Variants in GLT8D2 observed in about 807,000 individuals in gnomAD.
GLT8D2 encodes the protein glycosyltransferase 8 domain-containing protein 2.
GLT8D2 carries 45 observed loss-of-function variants against 44.5 expected under a neutral mutation model. That is an observed-to-expected ratio of 1.01 (90% CI 0.80 to 1.30). The LOEUF (loss-of-function observed/expected upper bound fraction) is 1.30, where lower values mean the gene tolerates loss of function less well. GLT8D2 is among the 50% of genes most tolerant of loss of function. GLT8D2 has a pLI of 0.00. For missense variants in GLT8D2, 400 were observed against 430.4 expected (o/e 0.93, Z 0.62); for synonymous variants, 156 against 157.2 (o/e 0.99, Z 0.06).
chr12:104,045,595 C>T (rs1393995328), intron 1 of GLT8D2, among the ~76,000 whole-genome samples: 1 of 152,056 alleles, frequency 6.6e-6, no homozygotes, highest in Non-Finnish European at 1.5e-5. Context: ...TAAAAATAAG[C>T]CCCTGAAGAC....
intron 1 of GLT8D2, among the ~76,000 whole-genome samples, chr12:104,061,931 G>A (rs1420771348): frequency 4.7e-5 from 7 of 148,250 alleles, no homozygotes; most frequent in South Asian, 2.2e-4. Context: ...AGCCAATATC[G>A]GCGCCATTAC....
At position 104,021,915 on chromosome 12, in the gene GLT8D2, GAAGAAGAAGAAGAAGAA is replaced by G. The variant is rs1566202273; in HGVS notation, c.-163-441_-163-425del. On this transcript the variant is annotated intron_variant, in intron 1 of 10. Coordinates refer to ENST00000360814, the MANE Select transcript of GLT8D2 (RefSeq NM_001384711.1). ...AGAAGAAGAAGAAGAAGAAGAAGAA[GAAGAAGAAGAAGAAGAA>G]GAAGAAGAAGAAGAAGAAGAAGAGG... 3.7e-4 allele frequency among the ~76,000 whole-genome samples: 7 copies of G among 18,910 alleles called. No homozygotes were observed. The East Asian group carries it at 8.1e-3, about 22-fold the overall frequency. The allele number at this position is 18,910 out of a possible 152,430, so 12.4% of individuals were successfully genotyped here. A position where few individuals can be genotyped will look rare whatever the true frequency, so the allele number is the denominator to read the frequency against.
chr12:104,000,716 C>T (rs967622582), intron 5 of GLT8D2, among the ~76,000 whole-genome samples: 1 of 152,112 alleles, frequency 6.6e-6, no homozygotes, highest in Non-Finnish European at 1.5e-5. Flanking sequence ...AGTTTTCATA[C>T]CCATGGATAG....
intron 1 of GLT8D2, among the ~76,000 whole-genome samples, chr12:104,044,265 A>C (rs752732241): frequency 4.6e-5 from 7 of 151,994 alleles, no homozygotes; most frequent in Admixed American, 4.6e-4. Flanking sequence ...TAACCCCAAC[A>C]ATGCACAAAT....
At chr12:104,029,126 C>T (rs533234887) in intron 1 of GLT8D2, among the ~76,000 whole-genome samples, 3 of 152,190 alleles carry the variant, frequency 2.0e-5, no homozygotes, top group South Asian at 4.2e-4. Flanking sequence ...ACCATCTCTA[C>T]TAAAAACACA....
At chr12:104,017,808 G>A (rs566476001) in intron 3 of GLT8D2, among the ~76,000 whole-genome samples, 9 of 152,148 alleles carry the variant, frequency 5.9e-5, no homozygotes, top group African/African-American at 1.9e-4. Context: ...CTGTATGGCC[G>A]AGGGGTATCT....
Position 104,003,199 on chromosome 12 carries a change from T to C in GLT8D2, c.220A>G (p.Ser74Gly). Residue 74 changes from serine to glycine, a missense_variant, in exon 5 of 11, where the codon AGC (serine) becomes GGC (glycine). Ser to Gly is a moderately conservative substitution (Grantham distance 56). Coordinates refer to ENST00000360814, the MANE Select transcript of GLT8D2 (RefSeq NM_001384711.1). ...AACAAGATGTTGGCGTCAGTGTTGCTGTAGATGCTATTGATGGCAGCCATA... is the reference window on the plus strand; with the variant it reads ...AACAAGATGTTGGCGTCAGTGTTGCCGTAGATGCTATTGATGGCAGCCATA... ...ATMAAINSIYSNTDANILFYV... is the reference protein window; with the variant it reads ...ATMAAINSIYGNTDANILFYV... 1.9e-6 allele frequency: 3 copies of C among 1,614,138 alleles called. No homozygotes were observed. Among genetic ancestry groups the C allele is most frequent in the Non-Finnish European group, 2.5e-6 (3 of 1,179,980 alleles).
In GLT8D2 at chr12:103,993,416, G is replaced by T; in HGVS notation, c.856C>A (p.Pro286Thr). 6.2e-7 allele frequency: 1 copy of T among 1,613,558 alleles called. No individual in the cohort carries two copies. Among genetic ancestry groups the T allele is most frequent in the South Asian group, 1.1e-5 (1 of 91,084 alleles). The change falls in exon 10 of 11, where the codon CCC (proline) becomes ACC (threonine). Residue 286 changes from proline to threonine, a missense_variant. Coordinates refer to ENST00000360814, the MANE Select transcript of GLT8D2 (RefSeq NM_001384711.1). ...VFHGKYSTIN[P>T]LWHIRHLGWN... ...CCCAGGTGCCTTATGTGCCACAGGG[G>T]GTTAATTGTGGAATATTTCCCATGA...
At chr12:103,993,769 C>T in intron 9 of GLT8D2, 2 of 337,012 alleles carry the variant, frequency 5.9e-6, no homozygotes, top group Non-Finnish European at 1.1e-5. Flanking sequence ...ATAGTAGACA[C>T]AGGAGATCAA....
At chr12:104,024,179 C>T (rs181463887) in intron 1 of GLT8D2, among the ~76,000 whole-genome samples, 132 of 152,064 alleles carry the variant, frequency 8.7e-4, no homozygotes, top group African/African-American at 3.0e-3. Context: ...CTCAGGAGTT[C>T]GAGACCAGCC....
At chr12:103,995,003 T>C (rs1372475758) in intron 8 of GLT8D2, among the ~76,000 whole-genome samples, 3 of 152,206 alleles carry the variant, frequency 2.0e-5, no homozygotes, top group Non-Finnish European at 4.4e-5. Context: ...CCTCCTTGAC[T>C]CCTTTTTTCT....
chr12:104,030,185 C>T (rs965444542), intron 1 of GLT8D2, among the ~76,000 whole-genome samples: 4 of 151,944 alleles, frequency 2.6e-5, no homozygotes, highest in Admixed American at 2.0e-4. Flanking sequence ...GAATAGAGGG[C>T]CCAGAAATAA....
At chr12:104,024,355 G>T (rs776777575) in intron 1 of GLT8D2, among the ~76,000 whole-genome samples, 1 of 152,158 alleles carries the variant, frequency 6.6e-6, no homozygotes, top group Non-Finnish European at 1.5e-5. Flanking sequence ...GATTGTTTGA[G>T]CCTGGAGGTC....
intron 1 of GLT8D2, among the ~76,000 whole-genome samples, chr12:104,044,718 G>A (rs1880902058): frequency 1.3e-5 from 2 of 152,196 alleles, no homozygotes; most frequent in Admixed American, 6.5e-5. Flanking sequence ...CTGGCCTAAC[G>A]GCCATAGTAA....
At position 104,003,119 on chromosome 12, in the gene GLT8D2, G is replaced by C. The variant is rs775624467; in HGVS notation, c.284+16C>G. The C allele has an allele frequency of 2.5e-6, 4 of 1,608,386 alleles. No individual in the cohort carries two copies. Among genetic ancestry groups the C allele is most frequent in the Non-Finnish European group, 3.4e-6 (4 of 1,175,124 alleles). The stretch of plus-strand genomic sequence containing the variant: ...AAGGAAACAGAAAGTGCCAAAGTCT[G>C]TAAGACATAACTTACCGTATTCGAG... On this transcript the variant is annotated intron_variant, in intron 5 of 10. Transcript: ENST00000360814.
chr12:104,054,050 T>C (rs1394522034), upstream of GLT8D2, among the ~76,000 whole-genome samples: 1 of 152,198 alleles, frequency 6.6e-6, no homozygotes. Context: ...CACTGTGTAA[T>C]GATTACCAAA....
chr12:104,037,917 C>G (rs754530934), intron 1 of GLT8D2, among the ~76,000 whole-genome samples: 10 of 152,160 alleles, frequency 6.6e-5, no homozygotes, highest in African/African-American at 9.7e-5. Flanking sequence ...CAAACTGAAT[C>G]CAGCAGCACA....
Position 103,989,071 on chromosome 12 carries a change from G to T in GLT8D2, c.*337C>A, listed in dbSNP as rs1872386384. The T allele has an allele frequency of 5.8e-6, 1 of 171,196 alleles. No homozygotes were observed. The highest frequency in any genetic ancestry group is 2.4e-5 in the African/African-American group (1 of 42,246). 10.6% of individuals were successfully genotyped at this position (171,196 alleles called of 1,614,324 possible). ...AAAGAAAAGGTTGGCAACCTGTTAA[G>T]GAGATCTTCATGTGAAAAATACATG... is the stretch of plus-strand genomic sequence containing the variant. On this transcript the variant is annotated 3_prime_UTR_variant, in exon 11 of 11. Coordinates refer to ENST00000360814, the MANE Select transcript of GLT8D2 (RefSeq NM_001384711.1).
chr12:104,047,645 A>G (rs186868949), intron 1 of GLT8D2, among the ~76,000 whole-genome samples: 26 of 152,232 alleles, frequency 1.7e-4, no homozygotes, highest in Non-Finnish European at 3.7e-4. Context: ...CCCATTGGTG[A>G]TGGTGCTGCC....
Sources: gnomAD v4.1 joint callset for allele counts (sites outside exome capture counted in the v4.1 genomes callset) on GRCh38, gnomAD v4.1.1 for gene constraint, MANE v1.5 for transcripts, NCBI Gene and HGNC (gene_info 2026-07-23, HGNC 2026-07-21) for gene names.